The following PCDH9 variants were observed in gnomAD, a reference collection of about 807,000 sequenced individuals.
PCDH9 encodes the protein protocadherin-9.
In PCDH9, 24 loss-of-function variants were observed where a neutral mutation model predicts 70.6. That is an observed-to-expected ratio of 0.34 (90% CI 0.25 to 0.48). The LOEUF (loss-of-function observed/expected upper bound fraction) is 0.48. PCDH9 is among the 20% of genes least tolerant of loss of function. The pLI, the probability that PCDH9 is intolerant of heterozygous loss-of-function variation, is 0.99. For missense variants in PCDH9, 1,281 were observed against 1,503.6 expected (o/e 0.85, Z 2.45); for synonymous variants, 562 against 558.5 (o/e 1.01, Z -0.09).
intron 2 of PCDH9, among the ~76,000 whole-genome samples, chr13:67,031,791 T>TA (rs893274357): frequency 6.6e-6 from 1 of 152,182 alleles, no homozygotes; most frequent in African/African-American, 2.4e-5. Flanking sequence ...TTTGCCTTTC[T>TA]AGCACACTTT....
intron 3 of PCDH9, among the ~76,000 whole-genome samples, chr13:66,856,902 T>A (rs1191441283): frequency 1.3e-5 from 2 of 152,070 alleles, no homozygotes; most frequent in Non-Finnish European, 2.9e-5. Flanking sequence ...GGAATGGATT[T>A]ACCTTGTAGG....
intron 2 of PCDH9, among the ~76,000 whole-genome samples, chr13:66,954,552 G>C (rs149029815): frequency 2.8e-4 from 43 of 152,290 alleles, no homozygotes; most frequent in African/African-American, 1.0e-3. Context: ...GACTTACCAA[G>C]GGTGCTGGGT....
intron 4 of PCDH9, among the ~76,000 whole-genome samples, chr13:66,629,304 A>G (rs1440521943): frequency 6.6e-6 from 1 of 152,196 alleles, no homozygotes; most frequent in Non-Finnish European, 1.5e-5. Context: ...AGACAAGAGG[A>G]GCCAACCACT....
chr13:67,130,334 A>G (rs898274156), intron 2 of PCDH9, among the ~76,000 whole-genome samples: 3 of 152,296 alleles, frequency 2.0e-5, no homozygotes, highest in East Asian at 3.9e-4. Flanking sequence ...TAAGATGACT[A>G]TCATATATAA....
intron 4 of PCDH9, among the ~76,000 whole-genome samples, chr13:66,552,395 C>T (rs1008724796): frequency 3.3e-5 from 5 of 152,052 alleles, no homozygotes; most frequent in Non-Finnish European, 5.9e-5. Flanking sequence ...CTCCTATCTC[C>T]GTTTTATATT....
chr13:66,837,053 C>A (rs2081034079), intron 3 of PCDH9, among the ~76,000 whole-genome samples: 1 of 152,138 alleles, frequency 6.6e-6, no homozygotes, highest in African/African-American at 2.4e-5. Context: ...TGTGTGGAAA[C>A]AATGAGGATT....
intron 2 of PCDH9, among the ~76,000 whole-genome samples, chr13:67,085,964 C>A (rs959071782): frequency 1.3e-5 from 2 of 152,122 alleles, no homozygotes; most frequent in Non-Finnish European, 1.5e-5. Flanking sequence ...ACGCCTCAGA[C>A]AATCCTGTGA....
At chr13:66,336,082 C>T (rs1212825878) in intron 4 of PCDH9, among the ~76,000 whole-genome samples, 1 of 151,940 alleles carries the variant, frequency 6.6e-6, no homozygotes, top group Non-Finnish European at 1.5e-5. Flanking sequence ...GAGAAACCTT[C>T]CAAATAAATG....
chr13:66,863,873 G>A (rs933338548), intron 3 of PCDH9, among the ~76,000 whole-genome samples: 1 of 151,922 alleles, frequency 6.6e-6, no homozygotes, highest in East Asian at 1.9e-4. Context: ...TAAATTACCC[G>A]AGACAGGGTA....
intron 3 of PCDH9, among the ~76,000 whole-genome samples, chr13:66,715,881 A>G (rs1413028454): frequency 6.6e-6 from 1 of 152,216 alleles, no homozygotes; most frequent in Non-Finnish European, 1.5e-5. Context: ...CACTATTTCA[A>G]CATCTGCTTT....
chr13:66,357,232 C>T (rs937422818), intron 4 of PCDH9, among the ~76,000 whole-genome samples: 6 of 151,892 alleles, frequency 4.0e-5, no homozygotes, highest in Non-Finnish European at 7.4e-5. Context: ...GGTAAGATTC[C>T]AATGGGTAAA....
At chr13:67,019,483 C>T (rs780803094) in intron 2 of PCDH9, among the ~76,000 whole-genome samples, 23 of 152,014 alleles carry the variant, frequency 1.5e-4, no homozygotes, top group Non-Finnish European at 2.6e-4. Context: ...GTGTGAGCCA[C>T]CACGCTGGCC....
intron 4 of PCDH9, among the ~76,000 whole-genome samples, chr13:66,333,351 T>C (rs986307956): frequency 1.3e-5 from 2 of 152,146 alleles, no homozygotes; most frequent in Non-Finnish European, 2.9e-5. Context: ...AGTATAGCAC[T>C]GAGGTAGAAA....
At chr13:66,459,773 T>A (rs576911769) in intron 4 of PCDH9, among the ~76,000 whole-genome samples, 7 of 152,082 alleles carry the variant, frequency 4.6e-5, no homozygotes, top group Non-Finnish European at 8.8e-5. Context: ...CTAATAAATA[T>A]CTGCATCTCA....
At chr13:66,981,899 A>G (rs1233279412) in intron 2 of PCDH9, among the ~76,000 whole-genome samples, 1 of 152,234 alleles carries the variant, frequency 6.6e-6, no homozygotes, top group Non-Finnish European at 1.5e-5. Context: ...AGAGTAACTT[A>G]TTTACCAGTA....
chr13:66,991,137 T>TC (rs2083994619), intron 2 of PCDH9: 1 of 152,068 alleles, frequency 6.6e-6, no homozygotes, highest in Non-Finnish European at 1.5e-5. Context: ...TGATACAGTG[T>TC]CCTGAATCTG....
At chr13:66,811,061 A>G (rs1220495067) in intron 3 of PCDH9, among the ~76,000 whole-genome samples, 1 of 152,196 alleles carries the variant, frequency 6.6e-6, no homozygotes, top group Non-Finnish European at 1.5e-5. Context: ...TTATTTTAGC[A>G]CAGGCATATT....
intron 2 of PCDH9, among the ~76,000 whole-genome samples, chr13:67,061,234 A>T (rs1040762734): frequency 1.3e-5 from 2 of 152,052 alleles, no homozygotes; most frequent in Non-Finnish European, 2.9e-5. Context: ...AGCAGTTGAG[A>T]GATACTTCTG....
At chr13:66,350,005 A>G (rs1956269173) in intron 4 of PCDH9, among the ~76,000 whole-genome samples, 1 of 152,106 alleles carries the variant, frequency 6.6e-6, no homozygotes, top group Non-Finnish European at 1.5e-5. Context: ...TGGCATTTCC[A>G]AGATCCCTCC....
Sources: gnomAD v4.1 joint callset for allele counts (sites outside exome capture counted in the v4.1 genomes callset) on GRCh38, gnomAD v4.1.1 for gene constraint, MANE v1.5 for transcripts, NCBI Gene and HGNC (gene_info 2026-07-23, HGNC 2026-07-21) for gene names.